Variants in CFAP61 observed in about 807,000 individuals in gnomAD.
CFAP61 encodes the protein cilia and flagella associated protein 61.
In CFAP61, 107 loss-of-function variants were observed where a neutral mutation model predicts 135.6. The observed-to-expected ratio is 0.79, with a 90% CI of 0.67 to 0.93. CFAP61 has a LOEUF of 0.93. Among genes scored for constraint, CFAP61 ranks in the 40% least tolerant of loss-of-function variants. The pLI is 0.00. For missense variants in CFAP61, 1,507 were observed against 1,556.2 expected (o/e 0.97, Z 0.53); for synonymous variants, 575 against 578.5 (o/e 0.99, Z 0.09).
chr20:20,202,119 T>C (rs1196651759), intron 17 of CFAP61, among the ~76,000 whole-genome samples: 1 of 152,212 alleles, frequency 6.6e-6, no homozygotes, highest in Non-Finnish European at 1.5e-5. Context: ...CCGAAACCAT[T>C]GCTTACATTG....
chr20:20,338,784 A>G (rs1409843352), intron 25 of CFAP61, among the ~76,000 whole-genome samples: 4 of 152,216 alleles, frequency 2.6e-5, no homozygotes, highest in African/African-American at 9.6e-5. Flanking sequence ...CACTCAGTTC[A>G]TGAGTCTGTC....
chr20:20,264,528 T>C (rs2052545651), intron 21 of CFAP61, among the ~76,000 whole-genome samples: 1 of 152,228 alleles, frequency 6.6e-6, no homozygotes, highest in Non-Finnish European at 1.5e-5. Context: ...TTTAGCCTTT[T>C]AGTCATTCTG....
intron 24 of CFAP61, 54 bp from the exon 25 acceptor site, chr20:20,298,127 C>A: frequency 7.6e-7 from 1 of 1,318,500 alleles, no homozygotes; most frequent in Non-Finnish European, 1.1e-6. Flanking sequence ...ATAAAGTTCC[C>A]AAAATCCAGG....
intron 2 of CFAP61, among the ~76,000 whole-genome samples, 191 bp downstream of exon 2, chr20:20,056,987 G>A (rs777057854): frequency 2.0e-4 from 31 of 151,914 alleles, no homozygotes; most frequent in Non-Finnish European, 4.3e-4. Context: ...GCGTGGTGGC[G>A]CATGCCTGTA....
intron 26 of CFAP61, among the ~76,000 whole-genome samples, chr20:20,355,832 CTG>C (rs1260942441): frequency 7.5e-6 from 1 of 133,984 alleles, no homozygotes; most frequent in Non-Finnish European, 1.6e-5. Flanking sequence ...GATGGTCACA[CTG>C]TGAGGGGAGG....
chr20:20,183,151 T>C (rs1450234584), intron 13 of CFAP61, among the ~76,000 whole-genome samples: 1 of 45,032 alleles, frequency 2.2e-5, no homozygotes, highest in Non-Finnish European at 5.8e-5. Flanking sequence ...TTTTTTTCTT[T>C]TCTTTTCTTT....
chr20:20,117,574 C>T (rs2049247327), intron 8 of CFAP61, among the ~76,000 whole-genome samples: 2 of 152,082 alleles, frequency 1.3e-5, no homozygotes, highest in East Asian at 1.9e-4. Flanking sequence ...TATTCAGGGT[C>T]TTTGTGGTTT....
At chr20:20,178,223 T>C (rs6106205) in intron 13 of CFAP61, among the ~76,000 whole-genome samples, 30,142 of 152,186 alleles carry the variant, frequency 0.2, 3,698 homozygotes, top group Non-Finnish European at 0.28. Flanking sequence ...GCCTTTGAGA[T>C]GAGAACATTT....
intron 10 of CFAP61, among the ~76,000 whole-genome samples, chr20:20,163,459 A>T (rs991385598): frequency 1.3e-5 from 2 of 152,184 alleles, no homozygotes; most frequent in African/African-American, 4.8e-5. Flanking sequence ...TTCTGGAGTT[A>T]TTATAATATG....
At chr20:20,061,149 C>T (rs1439561174) in intron 2 of CFAP61, among the ~76,000 whole-genome samples, 3 of 151,890 alleles carry the variant, frequency 2.0e-5, no homozygotes, top group Non-Finnish European at 4.4e-5. Context: ...TTAAGATCAT[C>T]ATTAAAAGAA....
chr20:20,095,394 C>T (rs1165346479), intron 7 of CFAP61, among the ~76,000 whole-genome samples: 2 of 152,274 alleles, frequency 1.3e-5, no homozygotes, highest in Non-Finnish European at 2.9e-5. Context: ...TCAAGTTTGT[C>T]TTTCTGAACA....
intron 7 of CFAP61, among the ~76,000 whole-genome samples, chr20:20,097,156 T>A (rs564974609): frequency 6.6e-6 from 1 of 152,178 alleles, no homozygotes; most frequent in East Asian, 1.9e-4. Context: ...CCCGATTCTC[T>A]GTTTTAGGAG....
At chr20:20,098,989 T>C (rs574905938) in intron 8 of CFAP61, among the ~76,000 whole-genome samples, 175 bp downstream of exon 8, 1 of 152,320 alleles carries the variant, frequency 6.6e-6, no homozygotes, top group African/African-American at 2.4e-5. Flanking sequence ...CAAGCACAGA[T>C]AGTCACAGTG....
intron 25 of CFAP61, among the ~76,000 whole-genome samples, chr20:20,325,162 C>T (rs1005235320): frequency 1.3e-5 from 2 of 152,178 alleles, no homozygotes; most frequent in African/African-American, 2.4e-5. Context: ...GCCACTTACA[C>T]AGTTTCTACT....
At chr20:20,063,333 C>T (rs2044963788) in intron 2 of CFAP61, among the ~76,000 whole-genome samples, 1 of 152,080 alleles carries the variant, frequency 6.6e-6, no homozygotes, top group Non-Finnish European at 1.5e-5. Context: ...AATTAATGTT[C>T]ATGCCTTGCT....
intron 18 of CFAP61, among the ~76,000 whole-genome samples, chr20:20,230,878 C>A (rs1335594595): frequency 6.6e-6 from 1 of 152,184 alleles, no homozygotes; most frequent in Non-Finnish European, 1.5e-5. Flanking sequence ...TCTTGAGCTG[C>A]ATTGTCAGAC....
intron 2 of CFAP61, among the ~76,000 whole-genome samples, chr20:20,068,173 G>C (rs2045440178): frequency 6.6e-6 from 1 of 152,216 alleles, no homozygotes; most frequent in Non-Finnish European, 1.5e-5. Context: ...TCCCTGAGGG[G>C]ATGGTGGCTG....
intron 8 of CFAP61, among the ~76,000 whole-genome samples, chr20:20,129,658 T>A (rs1445832174): frequency 6.6e-6 from 1 of 151,478 alleles, no homozygotes; most frequent in Non-Finnish European, 1.5e-5. Context: ...CTATTCTTGC[T>A]CAACTCCTTG....
At chr20:20,134,572 T>C (rs1229093573) in intron 8 of CFAP61, among the ~76,000 whole-genome samples, 1 of 152,222 alleles carries the variant, frequency 6.6e-6, no homozygotes, top group Admixed American at 6.5e-5. Flanking sequence ...AAGGCCACTA[T>C]GGCGTCCAGG....
Sources: allele counts gnomAD v4.1 joint callset (sites outside exome capture counted in the v4.1 genomes callset), GRCh38; gene constraint gnomAD v4.1.1; transcripts MANE v1.5; gene names NCBI Gene and HGNC (gene_info 2026-07-23, HGNC 2026-07-21).